Variants in RBKS observed in about 807,000 individuals in gnomAD.
RBKS encodes the protein ribokinase.
Under a neutral mutation model 33.9 loss-of-function variants are expected in RBKS, and 33 were observed. That is an observed-to-expected ratio of 0.97 (90% CI 0.74 to 1.30). RBKS has a LOEUF of 1.30. Ranked by LOEUF, RBKS falls within the 50% of genes most tolerant of loss-of-function variation. The pLI is 0.00. For synonymous variants in RBKS, 125 were observed against 143.0 expected (o/e 0.87, Z 0.90); for missense variants, 361 against 392.6 (o/e 0.92, Z 0.68).
At chr2:27,858,639 G>T in intron 1 of RBKS, 68 bp from the exon 2 acceptor site, 1 of 1,417,158 alleles carries the variant, frequency 7.1e-7, no homozygotes, top group Admixed American at 1.8e-5. Context: ...TTCTTTAGAA[G>T]AGAGGGAAGG....
chr2:27,811,742 A>G (rs1325287651), intron 7 of RBKS, among the ~76,000 whole-genome samples: 1 of 152,252 alleles, frequency 6.6e-6, no homozygotes, highest in African/African-American at 2.4e-5. Context: ...AAAAACAAAG[A>G]GAGTTCTAAA....
At chr2:27,872,773 C>T (rs932740520) in intron 1 of RBKS, among the ~76,000 whole-genome samples, 11 of 152,168 alleles carry the variant, frequency 7.2e-5, no homozygotes, top group African/African-American at 1.7e-4. Flanking sequence ...GTAAGCAAAA[C>T]GTCAAGCAGA....
chr2:27,847,167 C>T, intron 3 of RBKS, 63 bp from the exon 4 acceptor site: 1 of 942,278 alleles, frequency 1.1e-6, no homozygotes, highest in East Asian at 2.4e-5. Context: ...TTTATTTTAA[C>T]AATTTCAATA....
chr2:27,853,148 T>G (rs1663785249), intron 2 of RBKS, among the ~76,000 whole-genome samples: 1 of 151,902 alleles, frequency 6.6e-6, no homozygotes, highest in Non-Finnish European at 1.5e-5. Flanking sequence ...GTAAGACTGC[T>G]CGAGGACAGG....
Position 27,890,245 on chromosome 2 carries a change from C to T in RBKS, c.89+12G>A, listed in dbSNP as rs774727775. Reference sequence around the variant, plus strand: ...CCCGAGCCGCAGACTGAGTAACTGGCCCCGGACTAACCTGACCAGGTCGGT... The same window carrying T: ...CCCGAGCCGCAGACTGAGTAACTGGTCCCGGACTAACCTGACCAGGTCGGT... On this transcript the variant is annotated intron_variant, in intron 1 of 7. Transcript: ENST00000302188. The surrounding 1 kb of genome is among the most constrained non-coding windows in gnomAD (Gnocchi z 4.8). The T allele has an allele frequency of 9.9e-6, 16 of 1,612,424 alleles. No individual in the cohort carries two copies. The East Asian group carries it at 2.7e-4, about 27-fold the overall frequency.
At chr2:27,856,491 A>C (rs2148218348) in intron 2 of RBKS, among the ~76,000 whole-genome samples, 1 of 152,268 alleles carries the variant, frequency 6.6e-6, no homozygotes, top group South Asian at 2.1e-4. Context: ...CAGTTCCATA[A>C]CTCAAATATT....
intron 1 of RBKS, among the ~76,000 whole-genome samples, chr2:27,873,819 C>G (rs1465358577): frequency 6.9e-6 from 1 of 145,176 alleles, no homozygotes; most frequent in East Asian, 2.4e-4. Flanking sequence ...TGTGATGTAT[C>G]TGGGAAACAA....
chr2:27,882,184 T>A (rs1664430486), intron 1 of RBKS, among the ~76,000 whole-genome samples: 1 of 152,088 alleles, frequency 6.6e-6, no homozygotes, highest in Non-Finnish European at 1.5e-5. Flanking sequence ...GACAAAGGTC[T>A]AATATTCAGC....
chr2:27,857,460 C>A (rs1217842377), intron 2 of RBKS, among the ~76,000 whole-genome samples: 2 of 152,204 alleles, frequency 1.3e-5, no homozygotes, highest in Admixed American at 1.3e-4. Flanking sequence ...AATATCATAT[C>A]TCTACATACA....
intron 4 of RBKS, among the ~76,000 whole-genome samples, chr2:27,844,840 ATTT>A (rs887591227): frequency 2.6e-5 from 4 of 152,142 alleles, no homozygotes; most frequent in African/African-American, 9.7e-5. Context: ...CGAGGCTTGC[ATTT>A]TATTTTTATT....
rs1334466360 is a variant in RBKS at position 27,827,754 on chromosome 2, G to A, written c.608C>T (p.Ala203Val). Residue 203 changes from alanine to valine, a missense_variant and splice_region_variant, in exon 7 of 8, where the codon GCT (alanine) becomes GTT (valine). Coordinates refer to ENST00000302188, the MANE Select transcript of RBKS (RefSeq NM_022128.3). ...SDVFCCNESE[A>V]EILTGLTVGS... ...CACCGTGAGGCCAGTTAAAATCTCA[G>A]CCTAGAATACACAAAAGTCAACAGA... The A allele has an allele frequency of 1.0e-5, 16 of 1,585,022 alleles. No individual in the cohort carries two copies. The highest frequency in any genetic ancestry group is 1.4e-5 in the Non-Finnish European group (16 of 1,168,640).
chr2:27,785,313 C>T (rs1439255507), intron 7 of RBKS, among the ~76,000 whole-genome samples: 2 of 152,074 alleles, frequency 1.3e-5, no homozygotes, highest in Non-Finnish European at 2.9e-5. Context: ...CCTTGCAATA[C>T]ATGTAACATA....
intron 5 of RBKS, among the ~76,000 whole-genome samples, chr2:27,833,768 T>A (rs1294801493): frequency 6.6e-6 from 1 of 152,174 alleles, no homozygotes; most frequent in Non-Finnish European, 1.5e-5. Flanking sequence ...ATATATATAT[T>A]TCAAGTCTTT....
At chr2:27,844,379 C>T (rs1478407427) in intron 4 of RBKS, among the ~76,000 whole-genome samples, 3 of 151,628 alleles carry the variant, frequency 2.0e-5, no homozygotes, top group African/African-American at 4.9e-5. Flanking sequence ...TTTATTCTTA[C>T]CATTTTAAAA....
At chr2:27,787,290 G>C (rs1414027270) in intron 7 of RBKS, among the ~76,000 whole-genome samples, 1 of 152,162 alleles carries the variant, frequency 6.6e-6, no homozygotes, top group African/African-American at 2.4e-5. Flanking sequence ...AAATTAGCTG[G>C]GCACTGTGGT....
At chr2:27,847,886 T>C (rs1362995139) in intron 3 of RBKS, 148 bp downstream of exon 3, 7 of 618,188 alleles carry the variant, frequency 1.1e-5, no homozygotes, top group African/African-American at 7.6e-5. Flanking sequence ...CCCAAGGACA[T>C]TTAAGCAAGA....
At chr2:27,855,852 T>A (rs1663847813) in intron 2 of RBKS, among the ~76,000 whole-genome samples, 1 of 152,230 alleles carries the variant, frequency 6.6e-6, no homozygotes, top group African/African-American at 2.4e-5. Flanking sequence ...GTTTGAATTT[T>A]AGTTTGTTAT....
chr2:27,801,878 C>T (rs1677792589), intron 7 of RBKS, among the ~76,000 whole-genome samples: 1 of 146,170 alleles, frequency 6.8e-6, no homozygotes, highest in East Asian at 2.0e-4. Context: ...CACTCTGTCA[C>T]CCATGGCTTA....
intron 7 of RBKS, among the ~76,000 whole-genome samples, chr2:27,820,574 TCTC>T (rs1178616323): frequency 5.3e-5 from 8 of 151,346 alleles, no homozygotes; most frequent in African/African-American, 2.4e-5. Flanking sequence ...TCTCTCTCTC[TCTC>T]TCTTTCTTTC....
Sources: gnomAD v4.1 joint callset for allele counts (sites outside exome capture counted in the v4.1 genomes callset) on GRCh38, gnomAD v4.1.1 for gene constraint, Gnocchi (gnomAD v3.1) non-coding constraint, MANE v1.5 for transcripts, NCBI Gene and HGNC (gene_info 2026-07-23, HGNC 2026-07-21) for gene names.